The following NRG3 variants were observed in gnomAD, a reference collection of about 807,000 sequenced individuals.
NRG3 encodes pro-neuregulin-3, membrane-bound isoform.
NRG3 carries 31 observed loss-of-function variants against 66.9 expected under a neutral mutation model. The observed-to-expected ratio is 0.46, with a 90% CI of 0.35 to 0.63. NRG3 has a LOEUF of 0.63. Ranked by LOEUF, NRG3 falls within the 20% of genes least tolerant of loss-of-function variation. The pLI, the probability that NRG3 is intolerant of heterozygous loss-of-function variation, is 0.00. For missense variants in NRG3, 910 were observed against 878.9 expected, an observed-to-expected ratio of 1.04 and a Z score of -0.45; for synonymous variants, 393 against 359.4, an observed-to-expected ratio of 1.09 and a Z score of -1.06.
At chr10:82,550,391 T>C (rs1237806646) in intron 2 of NRG3, among the ~76,000 whole-genome samples, 1 of 152,148 alleles carries the variant, frequency 6.6e-6, no homozygotes, top group Non-Finnish European at 1.5e-5. Flanking sequence ...GTTCTGTAAC[T>C]ATCCATTTTG....
At chr10:82,910,760 A>G (rs1344955980) in intron 4 of NRG3, among the ~76,000 whole-genome samples, 4 of 152,250 alleles carry the variant, frequency 2.6e-5, no homozygotes, top group African/African-American at 9.6e-5. Flanking sequence ...TAGATCAATG[A>G]TGAGTAAATA....
intron 2 of NRG3, among the ~76,000 whole-genome samples, chr10:82,525,321 CT>C (rs1355473100): frequency 6.6e-6 from 1 of 151,786 alleles, no homozygotes; most frequent in East Asian, 1.9e-4. Flanking sequence ...TTCTAACTGC[CT>C]AAAATGTGTG....
chr10:82,233,716 G>A (rs1272906004), intron 1 of NRG3, among the ~76,000 whole-genome samples: 1 of 152,014 alleles, frequency 6.6e-6, no homozygotes, highest in Non-Finnish European at 1.5e-5. Context: ...TCCCTTTCAA[G>A]ATAAATGGCA....
At chr10:82,511,230 A>G (rs1174311526) in intron 2 of NRG3, among the ~76,000 whole-genome samples, 7 of 152,218 alleles carry the variant, frequency 4.6e-5, no homozygotes, top group Non-Finnish European at 1.0e-4. Context: ...GGAAAGAAAG[A>G]AAAAATAAAC....
chr10:82,696,366 G>A (rs2055383019), intron 2 of NRG3, among the ~76,000 whole-genome samples: 1 of 152,058 alleles, frequency 6.6e-6, no homozygotes, highest in South Asian at 2.1e-4. Context: ...TTTAAAATGG[G>A]CATTCTGACC....
chr10:82,323,183 C>T (rs534308515), intron 1 of NRG3, among the ~76,000 whole-genome samples: 8 of 152,144 alleles, frequency 5.3e-5, no homozygotes, highest in Non-Finnish European at 8.8e-5. Context: ...TTCCAGATGT[C>T]CTCCATTTAA....
In NRG3 at chr10:82,145,188, G is replaced by GGTATGGT. The variant is rs1249986407; in HGVS notation, c.824-213546_824-213540dup. Among the ~76,000 whole-genome samples the GGTATGGT allele has an allele frequency of 2.6e-5, 4 of 152,076 alleles. No homozygotes were observed. The East Asian group carries it at 7.7e-4, about 29-fold the overall frequency. ...TGGCTGTGTGCATGCACTAGAACTC[G>GGTATGGT]GTATGGTGTATTTCCCCAGAGCTCA... On this transcript the variant is annotated intron_variant, in intron 1 of 8. Coordinates refer to ENST00000372141, the MANE Select transcript of NRG3 (RefSeq NM_001010848.4).
At chr10:82,892,224 G>C (rs1469758879) in intron 4 of NRG3, among the ~76,000 whole-genome samples, 1 of 152,070 alleles carries the variant, frequency 6.6e-6, no homozygotes, top group Non-Finnish European at 1.5e-5. Flanking sequence ...TGAGGAAATA[G>C]AGATGTTGAG....
chr10:82,751,929 T>G (rs753258903), intron 3 of NRG3, among the ~76,000 whole-genome samples: 4 of 150,768 alleles, frequency 2.7e-5, no homozygotes, highest in Non-Finnish European at 5.9e-5. Flanking sequence ...TTATGGAACT[T>G]AATCACCAGC....
chr10:82,109,009 G>C (rs1343241281), intron 1 of NRG3, among the ~76,000 whole-genome samples: 1 of 152,186 alleles, frequency 6.6e-6, no homozygotes, highest in African/African-American at 2.4e-5. Context: ...GAAGCTACCT[G>C]TGGACAGGGG....
chr10:82,881,608 A>AAC (rs956527036), intron 4 of NRG3, among the ~76,000 whole-genome samples: 8 of 152,102 alleles, frequency 5.3e-5, no homozygotes, highest in East Asian at 1.9e-4. Flanking sequence ...CACTGTAATA[A>AAC]ACACACACAC....
At chr10:82,848,831 G>A (rs1479597875) in intron 3 of NRG3, among the ~76,000 whole-genome samples, 2 of 152,118 alleles carry the variant, frequency 1.3e-5, no homozygotes, top group Non-Finnish European at 2.9e-5. Context: ...TTTTATAAAG[G>A]GTGGTTCCCC....
chr10:82,440,991 G>C (rs2090405473), intron 2 of NRG3, among the ~76,000 whole-genome samples: 3 of 152,176 alleles, frequency 2.0e-5, no homozygotes. Context: ...TCCCAGAAAT[G>C]AATGTGGCTA....
intron 1 of NRG3, among the ~76,000 whole-genome samples, chr10:81,974,192 A>G (rs953652408): frequency 2.6e-5 from 4 of 152,074 alleles, no homozygotes; most frequent in Non-Finnish European, 4.4e-5. Context: ...TGTTTTTGTC[A>G]GGTTTATTGA....
chr10:82,731,683 G>A (rs542007752), intron 2 of NRG3, among the ~76,000 whole-genome samples: 14 of 152,168 alleles, frequency 9.2e-5, no homozygotes, highest in Non-Finnish European at 1.8e-4. Context: ...GTTGATGAAT[G>A]TTTAGGTTGA....
At chr10:82,725,666 C>T (rs1311662716) in intron 2 of NRG3, among the ~76,000 whole-genome samples, 2 of 152,166 alleles carry the variant, frequency 1.3e-5, no homozygotes, top group Non-Finnish European at 2.9e-5. Flanking sequence ...CACCTGTTCA[C>T]ATCTGAATTT....
At chr10:81,885,660 A>C (rs767667685) in intron 1 of NRG3, among the ~76,000 whole-genome samples, 3 of 152,224 alleles carry the variant, frequency 2.0e-5, no homozygotes, top group African/African-American at 4.8e-5. Flanking sequence ...GAAATAGATC[A>C]AGTTCTAAGA....
Position 82,229,807 on chromosome 10 carries a change from A to T in NRG3, c.824-128932A>T, listed in dbSNP as rs528149417. 1.5e-3 allele frequency among the ~76,000 whole-genome samples: 224 copies of T among 152,336 alleles called. 1 individual carries two copies. Among genetic ancestry groups the T allele is most frequent in the Non-Finnish European group, 1.5e-3 (105 of 68,032 alleles). Reference sequence around the variant, plus strand: ...AGATTTTAGTTGAGGACACAGGCAAACCATATTAAGTATAGGAAAGAATAG... The same window carrying T: ...AGATTTTAGTTGAGGACACAGGCAATCCATATTAAGTATAGGAAAGAATAG... On this transcript the variant is annotated intron_variant, in intron 1 of 8. Transcript: ENST00000372141.
At chr10:82,313,576 G>A (rs901826740) in intron 1 of NRG3, among the ~76,000 whole-genome samples, 1 of 152,140 alleles carries the variant, frequency 6.6e-6, no homozygotes. Context: ...CAGCTGCATG[G>A]CCAGTCCTGA....
Sources: allele counts gnomAD v4.1 joint callset (sites outside exome capture counted in the v4.1 genomes callset), GRCh38; gene constraint gnomAD v4.1.1; transcripts MANE v1.5; gene names NCBI Gene and HGNC (gene_info 2026-07-23, HGNC 2026-07-21).